TPM4: variants seen among roughly 807,000 people sequenced by gnomAD.
TPM4 encodes the protein tropomyosin 4.
TPM4 carries 17 observed loss-of-function variants against 35.8 expected under a neutral mutation model. That is an observed-to-expected ratio of 0.47 (90% CI 0.32 to 0.71). The LOEUF (loss-of-function observed/expected upper bound fraction) is 0.71. Among genes scored for constraint, TPM4 ranks in the 30% least tolerant of loss-of-function variants. TPM4 has a pLI of 0.03. For synonymous variants in TPM4, 120 were observed against 122.9 expected (o/e 0.98, Z 0.15); for missense variants, 240 against 320.9 (o/e 0.75, Z 1.93).
intron 2 of TPM4, among the ~76,000 whole-genome samples, chr19:16,084,491 G>A (rs1282831740): frequency 1.3e-5 from 2 of 152,244 alleles, no homozygotes; most frequent in South Asian, 2.1e-4. Flanking sequence ...AGTCAGACCA[G>A]CCTGGCTGGA....
intron 2 of TPM4, among the ~76,000 whole-genome samples, chr19:16,086,181 AG>A (rs1210798227): frequency 6.6e-6 from 1 of 151,874 alleles, no homozygotes. Context: ...AGATGGGACT[AG>A]GGGTGGTGTC....
intron 4 of TPM4, chr19:16,088,422 C>T: frequency 1.7e-6 from 2 of 1,176,142 alleles, no homozygotes; most frequent in African/African-American, 1.6e-5. Context: ...TAACAGAACA[C>T]TGACCTGCTC....
rs778075870 is a variant in TPM4, at chr19:16,070,937, C to A, written c.114+3199C>A. Among the ~76,000 whole-genome samples, 26 of 152,220 alleles carry A rather than the reference C, an allele frequency of 1.7e-4. No homozygotes were observed. Among genetic ancestry groups the A allele is most frequent in the Non-Finnish European group, 2.9e-4 (20 of 68,042 alleles). On this transcript the variant is annotated intron_variant, in intron 2 of 2. Transcript: ENST00000589897. The surrounding 1 kb of genome is among the most constrained non-coding windows in gnomAD (Gnocchi z 7.4). ...TTAGCCCTCACCATGAGGGACTTAG[C>A]CAGAGATTCGGAGAGAAACAAGTTT... is the stretch of plus-strand genomic sequence containing the variant.
In TPM4 at chr19:16,101,983, C is replaced by T. The variant is rs1281999485; in HGVS notation, c.*637C>T. ...TGCTTGGGAAATAGTCATAATTACC[C>T]ACATATAGTAATTAATAGATGGTAA... On this transcript the variant is annotated 3_prime_UTR_variant, in exon 8 of 8. Transcript: ENST00000643579. The T allele has an allele frequency of 4.6e-6, 1 of 218,550 alleles. No homozygotes were observed. Among genetic ancestry groups the T allele is most frequent in the Non-Finnish European group, 9.2e-6 (1 of 109,020 alleles). 13.5% of individuals were successfully genotyped at this position (218,550 alleles called of 1,614,324 possible). A position where few individuals can be genotyped will look rare whatever the true frequency, so the allele number is the denominator to read the frequency against.
chr19:16,084,372 C>A (rs2090522726), intron 2 of TPM4, among the ~76,000 whole-genome samples: 6 of 152,226 alleles, frequency 3.9e-5, no homozygotes. Context: ...TCTGCTTCAG[C>A]CACTGAATCA....
chr19:16,091,197 C>A (rs1489444375), intron 5 of TPM4, among the ~76,000 whole-genome samples: 1 of 152,078 alleles, frequency 6.6e-6, no homozygotes, highest in South Asian at 2.1e-4. Context: ...GGAATACAGG[C>A]GCACACACCA....
rs71178641 is a variant in TPM4, at chr19:16,096,936, CTTTTTTTTTTTTTTTT to C, written c.664+3202_664+3217del. Among the ~76,000 whole-genome samples, 82 of 69,048 alleles carry C rather than the reference CTTTTTTTTTTTTTTTT, an allele frequency of 1.2e-3. 1 individual carries two copies. Among genetic ancestry groups the C allele is most frequent in the Admixed American group, 4.2e-3 (19 of 4,496 alleles). The allele number at this position is 69,048 out of a possible 152,430, so 45.3% of individuals were successfully genotyped here. ...GGAATATGGAGAAAACAAGGTCACTCTTTTTTTTTTTTTTTTTTTTTTTTTTTTTTTTTTCAAGACA... is the reference window on the plus strand; with the variant it reads ...GGAATATGGAGAAAACAAGGTCACTCTTTTTTTTTTTTTTTTTTCAAGACA... On this transcript the variant is annotated intron_variant, in intron 7 of 7. Coordinates refer to ENST00000643579, the MANE Select transcript of TPM4 (RefSeq NM_003290.3).
chr19:16,067,595 A>C lies in TPM4; in HGVS notation c.-30A>C, dbSNP rs1280251140. The C allele has an allele frequency of 6.2e-7, 1 of 1,601,900 alleles. No homozygotes were observed. The highest frequency in any genetic ancestry group is 1.3e-5 in the African/African-American group (1 of 74,458). On this transcript the variant is annotated 5_prime_UTR_variant, in exon 2 of 3. Transcript: ENST00000589897. This position sits in a 1 kb window ranked among gnomAD's most constrained non-coding sequence, Gnocchi z 4.1. ...GCAGCCCCCACAGAGCCCGCCGCGCACCCCACGTCCCCCACGCCAGCGCCC... is the reference window on the plus strand; with the variant it reads ...GCAGCCCCCACAGAGCCCGCCGCGCCCCCCACGTCCCCCACGCCAGCGCCC...
intron 2 of TPM4, among the ~76,000 whole-genome samples, chr19:16,069,033 G>C (rs2090325915): frequency 6.6e-6 from 1 of 152,114 alleles, no homozygotes; most frequent in African/African-American, 2.4e-5. Flanking sequence ...CAGGCTGACT[G>C]TGTGTGTGCT....
At position 16,070,807 on chromosome 19, in the gene TPM4, G is replaced by GC; in HGVS notation, c.114+3073dup. ...TATGTGGCACATTCGTGCAGGCCAA[G>GC]CCCCACCCCAGTGTTCCCTGCCACA... On this transcript the variant is annotated intron_variant, in intron 2 of 2. Transcript: ENST00000589897. This position sits in a 1 kb window ranked among gnomAD's most constrained non-coding sequence, Gnocchi z 7.4. 6.6e-6 allele frequency among the ~76,000 whole-genome samples: 1 copy of GC among 151,976 alleles called. No individual in the cohort carries two copies. Among genetic ancestry groups the GC allele is most frequent in the Admixed American group, 6.6e-5 (1 of 15,250 alleles).
intron 3 of TPM4, 32 bp downstream of exon 3, chr19:16,086,572 G>A: frequency 1.3e-6 from 2 of 1,570,168 alleles, no homozygotes; most frequent in Non-Finnish European, 8.7e-7. Flanking sequence ...CGCAGCAGCA[G>A]GAAGTGGGAG....
intron 5 of TPM4, among the ~76,000 whole-genome samples, chr19:16,091,192 A>C (rs1185876120): frequency 6.6e-6 from 1 of 152,066 alleles, no homozygotes; most frequent in Non-Finnish European, 1.5e-5. Flanking sequence ...AACTGGGAAT[A>C]CAGGCGCACA....
chr19:16,071,735 C>A (rs2090358393), upstream of TPM4, among the ~76,000 whole-genome samples: 1 of 152,218 alleles, frequency 6.6e-6, no homozygotes, highest in African/African-American at 2.4e-5. Context: ...CCAGCCTGAT[C>A]CCAGCAGCCA....
At position 16,102,493 on chromosome 19, in the gene TPM4, T is replaced by C. The variant is rs2090772806; in HGVS notation, c.*1147T>C. 3 of 226,824 alleles carry C rather than the reference T, an allele frequency of 1.3e-5. No individual in the cohort carries two copies. The highest frequency in any genetic ancestry group is 2.6e-5 in the Non-Finnish European group (3 of 113,862). 14.1% of individuals were successfully genotyped at this position (226,824 alleles called of 1,614,324 possible). A position where few individuals can be genotyped will look rare whatever the true frequency, so the allele number is the denominator to read the frequency against. On this transcript the variant is annotated 3_prime_UTR_variant, in exon 8 of 8. Coordinates refer to ENST00000643579, the MANE Select transcript of TPM4 (RefSeq NM_003290.3). ...ACTAAGTTGAGCAAAAGAGTTTTTA[T>C]CTATTAGCAGAAAGGGCCTCTCTGG...
In TPM4 at chr19:16,070,967, C is replaced by T. The variant is rs1198055382; in HGVS notation, c.114+3229C>T. ...GATTCGGAGAGAAACAAGTTTATAG[C>T]ACTAATTCTTACTAAGGTGTGAGTG... On this transcript the variant is annotated intron_variant, in intron 2 of 2. Coordinates refer to the TPM4 transcript ENST00000589897. This position sits in a 1 kb window ranked among gnomAD's most constrained non-coding sequence, Gnocchi z 7.4. 6.6e-6 allele frequency among the ~76,000 whole-genome samples: 1 copy of T among 152,174 alleles called. No individual in the cohort carries two copies. The highest frequency in any genetic ancestry group is 1.5e-5 in the Non-Finnish European group (1 of 68,030).
Position 16,070,947 on chromosome 19 carries a change from G to A in TPM4, c.114+3209G>A, listed in dbSNP as rs752009789. On this transcript the variant is annotated intron_variant, in intron 2 of 2. Coordinates refer to the TPM4 transcript ENST00000589897. This position sits in a 1 kb window ranked among gnomAD's most constrained non-coding sequence, Gnocchi z 7.4. ...CCATGAGGGACTTAGCCAGAGATTC[G>A]GAGAGAAACAAGTTTATAGCACTAA... 5.3e-5 allele frequency among the ~76,000 whole-genome samples: 8 copies of A among 152,188 alleles called. No homozygotes were observed. The highest frequency in any genetic ancestry group is 8.8e-5 in the Non-Finnish European group (6 of 68,046).
intron 2 of TPM4, among the ~76,000 whole-genome samples, chr19:16,085,323 G>A (rs984078262): frequency 2.0e-5 from 3 of 151,944 alleles, no homozygotes; most frequent in Non-Finnish European, 4.4e-5. Flanking sequence ...GTGCAATCAC[G>A]ACTCACCGCA....
At chr19:16,081,165 C>T (rs184324652) in intron 1 of TPM4, 1 of 397,830 alleles carries the variant, frequency 2.5e-6, no homozygotes, top group East Asian at 3.6e-5. Flanking sequence ...TCACAGGACA[C>T]AATGAGCCGG....
At chr19:16,085,367 C>T (rs192456973) in intron 2 of TPM4, among the ~76,000 whole-genome samples, 1 of 152,276 alleles carries the variant, frequency 6.6e-6, no homozygotes, top group Admixed American at 6.5e-5. Flanking sequence ...GATCCTCCTA[C>T]CTCAGCAACA....
Sources: gnomAD v4.1 joint callset for allele counts (sites outside exome capture counted in the v4.1 genomes callset) on GRCh38, gnomAD v4.1.1 for gene constraint, Gnocchi (gnomAD v3.1) non-coding constraint, MANE v1.5 for transcripts, NCBI Gene and HGNC (gene_info 2026-07-23, HGNC 2026-07-21) for gene names.